TMPRSS9: variants seen among roughly 807,000 people sequenced by gnomAD.
The protein encoded by TMPRSS9 is transmembrane serine protease 9.
Under a neutral mutation model 111.4 loss-of-function variants are expected in TMPRSS9, and 113 were observed. That is an observed-to-expected ratio of 1.01 (90% confidence interval 0.87 to 1.19). The LOEUF (loss-of-function observed/expected upper bound fraction) is 1.19. Among genes scored for constraint, TMPRSS9 ranks in the 50% most tolerant of loss-of-function variants. The probability of loss-of-function intolerance (pLI) is 0.00; values close to 1 mark genes in which losing one functional copy is unlikely to be tolerated. For missense variants in TMPRSS9, 1,803 were observed against 1,513.1 expected (o/e 1.19, Z -3.18); for synonymous variants, 805 against 659.1 (o/e 1.22, Z -3.39).
chr19:2,403,015 C>T (rs1568180760), intron 5 of TMPRSS9, 67 bp from the exon 7 acceptor site: 15 of 1,124,610 alleles, frequency 1.3e-5, no homozygotes, highest in Non-Finnish European at 2.0e-5. Context: ...CTAAGTATAG[C>T]ATGGTGCCTT....
intron 9 of TMPRSS9, among the ~76,000 whole-genome samples, chr19:2,411,177 G>A (rs1181490494): frequency 4.0e-5 from 6 of 151,280 alleles, no homozygotes; most frequent in African/African-American, 1.5e-4. Context: ...GCAGGTGCCT[G>A]TAATCCCAGC....
chr19:2,377,273 G>GTATA (rs1455577554), intron 1 of TMPRSS9, among the ~76,000 whole-genome samples: 5 of 129,574 alleles, frequency 3.9e-5, no homozygotes, highest in African/African-American at 2.0e-4. Context: ...ATGTATGTAT[G>GTATA]TATGTATGTA....
At chr19:2,367,618 C>T (rs1481169201) in intron 1 of TMPRSS9, among the ~76,000 whole-genome samples, 3 of 144,128 alleles carry the variant, frequency 2.1e-5, no homozygotes, top group Non-Finnish European at 4.5e-5. Context: ...GGCTAGAATT[C>T]AGTGGCACGA....
At position 2,396,533 on chromosome 19, in the gene TMPRSS9, C is replaced by A; in HGVS notation, c.143-6C>A. ...GCTCTCTCACGGGCCCTGGTCTCGT[C>A]CCCAGCCTTCCTCTCTACACAGGGC... On this transcript the variant is annotated splice_region_variant and splice_polypyrimidine_tract_variant and intron_variant, in intron 1 of 17. Coordinates refer to ENST00000648592, the Ensembl canonical transcript of TMPRSS9. 6.3e-7 allele frequency: 1 copy of A among 1,597,694 alleles called. No homozygotes were observed. Among genetic ancestry groups the A allele is most frequent in the Non-Finnish European group, 8.5e-7 (1 of 1,170,972 alleles).
At chr19:2,405,003 A>T (rs756383862) in intron 6 of TMPRSS9, among the ~76,000 whole-genome samples, 1 of 152,096 alleles carries the variant, frequency 6.6e-6, no homozygotes. Flanking sequence ...TATTATATAT[A>T]ATTATAGAAT....
At chr19:2,409,766 T>A (rs1487706389) in intron 8 of TMPRSS9, among the ~76,000 whole-genome samples, 1 of 151,838 alleles carries the variant, frequency 6.6e-6, no homozygotes, top group Admixed American at 6.6e-5. Flanking sequence ...TGTGACTGAT[T>A]TAATATTTAG....
chr19:2,379,148 G>A (rs116314341), intron 1 of TMPRSS9, among the ~76,000 whole-genome samples: 1,644 of 150,994 alleles, frequency 0.011, 38 homozygotes, highest in African/African-American at 0.036. Context: ...CTCCAGCAAC[G>A]TGTGTCCTAA....
intron 1 of TMPRSS9, among the ~76,000 whole-genome samples, chr19:2,394,293 A>C (rs975447538): frequency 2.6e-5 from 4 of 152,128 alleles, no homozygotes; most frequent in African/African-American, 7.2e-5. Context: ...AGGCTAAGGC[A>C]GGAGGATCAC....
exon 8 of TMPRSS9, chr19:2,408,583 G>A: frequency 3.1e-6 from 5 of 1,613,418 alleles, no homozygotes; most frequent in Non-Finnish European, 4.2e-6. Context: ...TTCCCACCCA[G>A]CAAGAAGTGC....
exon 4 of TMPRSS9, chr19:2,399,099 G>A: frequency 1.2e-6 from 2 of 1,613,706 alleles, no homozygotes; most frequent in Non-Finnish European, 1.7e-6. Flanking sequence ...TGGGCCTGGA[G>A]GAGGAGCTAT....
intron 13 of TMPRSS9, 102 bp from the exon 15 acceptor site, chr19:2,421,752 C>T: frequency 7.3e-7 from 1 of 1,363,480 alleles, no homozygotes; most frequent in South Asian, 1.4e-5. Context: ...TGCCCCCCGC[C>T]CTCGATGGCT....
intron 1 of TMPRSS9, 102 bp from the exon 3 acceptor site, chr19:2,396,437 C>A: frequency 7.2e-7 from 1 of 1,388,810 alleles, no homozygotes; most frequent in South Asian, 1.5e-5. Flanking sequence ...GAGTGACCAC[C>A]AGGGTGTGTG....
chr19:2,363,783 TGTGTGA>T (rs1221675223), intron 1 of TMPRSS9, among the ~76,000 whole-genome samples: 21 of 109,028 alleles, frequency 1.9e-4, no homozygotes, highest in African/African-American at 7.9e-4. Flanking sequence ...AAGAACTCTG[TGTGTGA>T]GTGTGTGTGT....
Position 2,374,110 on chromosome 19 carries a change from T to C in TMPRSS9, c.-26+13750T>C, listed in dbSNP as rs143180216. 7.7e-4 allele frequency among the ~76,000 whole-genome samples: 117 copies of C among 152,166 alleles called. 1 individual carries two copies. In the East Asian group the frequency reaches 0.019, roughly 25 times the overall value. The stretch of plus-strand genomic sequence containing the variant: ...ATAACATTTTCCCGAGCTACAGAGC[T>C]CTGACCCCTCCGCGGCTTCACTGCT... On this transcript the variant is annotated intron_variant, in intron 1 of 17. Coordinates refer to the TMPRSS9 transcript ENST00000649857.
chr19:2,421,067 G>A (rs1035131774), intron 13 of TMPRSS9, among the ~76,000 whole-genome samples: 23 of 151,774 alleles, frequency 1.5e-4, no homozygotes, highest in African/African-American at 4.3e-4. Context: ...TTAGCCGGGC[G>A]TTGTGGCTTA....
At chr19:2,415,769 G>A in exon 11 of TMPRSS9, 1 of 1,610,468 alleles carries the variant, frequency 6.2e-7, no homozygotes, top group South Asian at 1.1e-5. Context: ...CTGAAGGAAG[G>A]GTCCCGGCAC....
chr19:2,388,410 G>A (rs1288463799), upstream of TMPRSS9, among the ~76,000 whole-genome samples: 1 of 152,022 alleles, frequency 6.6e-6, no homozygotes, highest in African/African-American at 2.4e-5. Context: ...AAGGAGGCGG[G>A]AGGGTGAGAA....
chr19:2,401,425 TTGG>T (rs1347755878), intron 4 of TMPRSS9, among the ~76,000 whole-genome samples: 1 of 152,096 alleles, frequency 6.6e-6, no homozygotes, highest in Non-Finnish European at 1.5e-5. Flanking sequence ...CTTGTGCAGT[TTGG>T]TGGCCGTCCG....
chr19:2,421,875 G>T, exon 14 of TMPRSS9: 1 of 1,608,534 alleles, frequency 6.2e-7, no homozygotes, highest in Non-Finnish European at 8.5e-7. Flanking sequence ...GGGCCCCCTG[G>T]CCTGCGAGGA....
Sources: allele counts gnomAD v4.1 joint callset (sites outside exome capture counted in the v4.1 genomes callset), GRCh38; gene constraint gnomAD v4.1.1; transcripts MANE v1.5; gene names NCBI Gene and HGNC (gene_info 2026-07-23, HGNC 2026-07-21).